Variants in CHRM3 observed in about 807,000 individuals in gnomAD.
The protein encoded by CHRM3 is cholinergic receptor muscarinic 3, also known as muscarinic acetylcholine receptor M3.
CHRM3 carries 11 observed loss-of-function variants against 41.8 expected under a neutral mutation model. The observed-to-expected ratio is 0.26, with a 90% CI of 0.17 to 0.44. The LOEUF (loss-of-function observed/expected upper bound fraction) is 0.44, where lower values mean the gene tolerates loss of function less well. Ranked by LOEUF, CHRM3 falls within the 20% of genes least tolerant of loss-of-function variation. The pLI is 1.00. For missense variants in CHRM3, 571 were observed against 745.4 expected (o/e 0.77, Z 2.72); for synonymous variants, 297 against 301.4 (o/e 0.99, Z 0.15).
At chr1:239,404,459 AAAG>A (rs1660396551) in intron 1 of CHRM3, among the ~76,000 whole-genome samples, 1 of 134,102 alleles carries the variant, frequency 7.5e-6, no homozygotes, top group Admixed American at 7.5e-5. Flanking sequence ...AGAAAGAAAG[AAAG>A]AAAGAAAAAG....
chr1:239,880,129 A>C (rs1677464499), intron 6 of CHRM3, among the ~76,000 whole-genome samples: 1 of 152,230 alleles, frequency 6.6e-6, no homozygotes, highest in Non-Finnish European at 1.5e-5. Flanking sequence ...TAAAAGAACA[A>C]GGCAATCCGA....
At chr1:239,523,376 G>A (rs1669782633) in intron 2 of CHRM3, among the ~76,000 whole-genome samples, 1 of 151,958 alleles carries the variant, frequency 6.6e-6, no homozygotes, top group Non-Finnish European at 1.5e-5. Context: ...AAGACGACTG[G>A]TTCACAGACC....
At chr1:239,789,309 T>C (rs568535877) in intron 5 of CHRM3, among the ~76,000 whole-genome samples, 40 of 152,326 alleles carry the variant, frequency 2.6e-4, no homozygotes, top group Non-Finnish European at 4.7e-4. Flanking sequence ...AAAAATTAAT[T>C]TGGCGAAGAT....
rs1666603502 is a variant in CHRM3, at chr1:239,478,388, AG to A, written c.-520-14320del. 2.0e-5 allele frequency among the ~76,000 whole-genome samples: 3 copies of A among 152,358 alleles called. No individual in the cohort carries two copies. The South Asian group carries it at 6.2e-4, about 32-fold the overall frequency. Reference sequence around the variant, plus strand: ...ATAGACACTAACAAAATGTTGAAGCAGCAATGACTTTGATCATCTAAAAAGG... The same window carrying A: ...ATAGACACTAACAAAATGTTGAAGCACAATGACTTTGATCATCTAAAAAGG... On this transcript the variant is annotated intron_variant, in intron 1 of 6. Transcript: ENST00000676153.
Position 239,452,696 on chromosome 1 carries a change from T to C in CHRM3, c.-520-40013T>C, listed in dbSNP as rs144394460. 3.9e-4 allele frequency among the ~76,000 whole-genome samples: 59 copies of C among 152,370 alleles called. 1 individual carries two copies. The East Asian group carries it at 0.011, about 28-fold the overall frequency. ...ACTCTACATTAATATCTGACAGTTA[T>C]ATTTAAAAAGAAACTCATTCCTATT... On this transcript the variant is annotated intron_variant, in intron 1 of 6. Coordinates refer to ENST00000676153, the MANE Select transcript of CHRM3 (RefSeq NM_001375978.1).
At chr1:239,760,067 A>C (rs1572203967) in intron 5 of CHRM3, among the ~76,000 whole-genome samples, 1 of 144,086 alleles carries the variant, frequency 6.9e-6, no homozygotes. Flanking sequence ...GGCACCCGCC[A>C]CCACACCCGG....
chr1:239,805,578 C>T (rs987043388), intron 5 of CHRM3, among the ~76,000 whole-genome samples: 1 of 152,010 alleles, frequency 6.6e-6, no homozygotes, highest in South Asian at 2.1e-4. Context: ...AGCCTCTGCT[C>T]CAGCTGACCT....
intron 5 of CHRM3, among the ~76,000 whole-genome samples, chr1:239,718,502 G>T (rs924381179): frequency 2.0e-5 from 3 of 151,864 alleles, no homozygotes; most frequent in African/African-American, 7.3e-5. Flanking sequence ...TAATACTCTG[G>T]GTCAGGAGTA....
intron 4 of CHRM3, among the ~76,000 whole-genome samples, chr1:239,665,674 C>T (rs1673717874): frequency 6.6e-6 from 1 of 152,072 alleles, no homozygotes; most frequent in Non-Finnish European, 1.5e-5. Flanking sequence ...TCCACTAGCC[C>T]CTTGCCCCCC....
chr1:239,418,834 C>T (rs1260470597), intron 1 of CHRM3, among the ~76,000 whole-genome samples: 5 of 152,154 alleles, frequency 3.3e-5, no homozygotes, highest in Non-Finnish European at 7.3e-5. Context: ...GGTTGGTTCC[C>T]TCATCTCTGC....
intron 6 of CHRM3, among the ~76,000 whole-genome samples, chr1:239,874,323 A>ATATATATATATC (rs1376600730): frequency 3.6e-5 from 4 of 111,364 alleles, no homozygotes; most frequent in Admixed American, 9.8e-5. Flanking sequence ...ATATATATAT[A>ATATATATATATC]TATACACAGT....
intron 4 of CHRM3, among the ~76,000 whole-genome samples, chr1:239,674,977 C>A (rs1006231846): frequency 1.3e-5 from 2 of 152,116 alleles, no homozygotes; most frequent in African/African-American, 2.4e-5. Flanking sequence ...ATCTACCTTC[C>A]CTCCCACTCC....
chr1:239,768,500 G>GTAA (rs56926542), intron 5 of CHRM3, among the ~76,000 whole-genome samples: 113,676 of 152,118 alleles, frequency 0.75, 42,987 homozygotes, highest in African/African-American at 0.81. Context: ...AAATAAACAT[G>GTAA]GTGAAAATTA....
At chr1:239,746,452 T>C (rs1355400127) in intron 5 of CHRM3, among the ~76,000 whole-genome samples, 1 of 152,200 alleles carries the variant, frequency 6.6e-6, no homozygotes, top group Non-Finnish European at 1.5e-5. Flanking sequence ...GATTGTTATT[T>C]CCATTTTACC....
At chr1:239,549,495 CAA>C (rs66834618) in intron 3 of CHRM3, among the ~76,000 whole-genome samples, 365 of 106,962 alleles carry the variant, frequency 3.4e-3, no homozygotes, top group Non-Finnish European at 4.5e-3. Context: ...ACTAAAAATA[CAA>C]AAAAAAAAAA....
intron 4 of CHRM3, among the ~76,000 whole-genome samples, chr1:239,636,336 C>T (rs1232849080): frequency 2.0e-5 from 3 of 152,094 alleles, no homozygotes; most frequent in Non-Finnish European, 4.4e-5. Context: ...GAAAAATATC[C>T]CGTGAAACAA....
chr1:239,665,085 TTCTCCATCCTC>T (rs1461098177), intron 4 of CHRM3, among the ~76,000 whole-genome samples: 1 of 151,896 alleles, frequency 6.6e-6, no homozygotes, highest in Admixed American at 6.6e-5. Flanking sequence ...ATATTCACTT[TTCTCCATCCTC>T]TCTCTCTTGT....
intron 1 of CHRM3, among the ~76,000 whole-genome samples, chr1:239,434,210 T>C (rs1332256214): frequency 6.6e-6 from 1 of 152,178 alleles, no homozygotes; most frequent in Non-Finnish European, 1.5e-5. Flanking sequence ...AGTTACACTT[T>C]TGCCCTTATG....
Position 239,483,219 on chromosome 1 carries a change from T to C in CHRM3, c.-520-9490T>C, listed in dbSNP as rs551272644. Among the ~76,000 whole-genome samples the C allele has an allele frequency of 3.3e-5, 5 of 152,358 alleles. No homozygotes were observed. In the South Asian group the frequency reaches 8.3e-4, roughly 25 times the overall value. ...TACATTCTAATTATTCTAACCTTCA[T>C]TGTACAGGAAGATATTAAAGATTTA... On this transcript the variant is annotated intron_variant, in intron 1 of 6. Transcript: ENST00000676153.
Sources: allele counts gnomAD v4.1 joint callset (sites outside exome capture counted in the v4.1 genomes callset), GRCh38; gene constraint gnomAD v4.1.1; transcripts MANE v1.5; gene names NCBI Gene and HGNC (gene_info 2026-07-23, HGNC 2026-07-21).